The following TXNRD3 variants were observed in gnomAD, a reference collection of about 807,000 sequenced individuals.
The protein encoded by TXNRD3 is thioredoxin reductase 3.
A neutral mutation model predicts 78.2 loss-of-function variants in TXNRD3; 68 were observed. The ratio of observed to expected loss-of-function variants is 0.87; its 90% CI spans 0.72 to 1.06. The LOEUF is 1.06. Ranked by LOEUF, TXNRD3 falls within the 50% of genes least tolerant of loss-of-function variation. TXNRD3 has a pLI of 0.00. For missense variants in TXNRD3, 751 were observed against 809.5 expected, an observed-to-expected ratio of 0.93 and a Z score of 0.88; for synonymous variants, 296 against 300.1, an observed-to-expected ratio of 0.99 and a Z score of 0.14.
intron 11 of TXNRD3, among the ~76,000 whole-genome samples, chr3:126,622,170 T>C (rs1341297697): frequency 6.6e-6 from 1 of 152,200 alleles, no homozygotes; most frequent in Non-Finnish European, 1.5e-5. Context: ...CTTTGGAATT[T>C]ATCTCTTTCC....
rs748955392 is a variant in TXNRD3 at position 126,631,868 on chromosome 3, T to G, written c.867A>C (p.Lys289Asn). Reference sequence around the variant, plus strand: ...CAGTATAATAAGTCTCCTGTCCTTTTTTATTGGTTGCCTTGAAAAAAGAGA... The same window carrying G: ...CAGTATAATAAGTCTCCTGTCCTTTGTTATTGGTTGCCTTGAAAAAAGAGA... Residue 289 changes from lysine (K) to asparagine (N), a missense_variant, in exon 8 of 16, where the codon AAA (lysine) becomes AAC (asparagine). Lys to Asn is a moderately conservative substitution (Grantham distance 94, BLOSUM62 0). Coordinates refer to ENST00000524230, the MANE Select transcript of TXNRD3 (RefSeq NM_052883.3). The G allele has an allele frequency of 2.6e-6, 4 of 1,535,948 alleles. No individual in the cohort carries two copies. The South Asian group carries it at 4.8e-5, about 18-fold the overall frequency.
chr3:126,624,305 T>C (rs948558267), intron 10 of TXNRD3, among the ~76,000 whole-genome samples: 6 of 152,210 alleles, frequency 3.9e-5, no homozygotes, highest in Admixed American at 3.3e-4. Flanking sequence ...GGACTCACTC[T>C]ACCTGATCTA....
At chr3:126,626,228 G>A (rs527946211) in intron 10 of TXNRD3, among the ~76,000 whole-genome samples, 4 of 152,272 alleles carry the variant, frequency 2.6e-5, no homozygotes, top group Admixed American at 6.5e-5. Context: ...ATACTTCCAT[G>A]ACCTTTGGGT....
chr3:126,646,629 G>T (rs1933239608), intron 2 of TXNRD3, among the ~76,000 whole-genome samples: 1 of 152,050 alleles, frequency 6.6e-6, no homozygotes, highest in Non-Finnish European at 1.5e-5. Context: ...AATAAAACTG[G>T]TCCATCACTA....
chr3:126,636,626 C>T (rs563315622), intron 6 of TXNRD3, among the ~76,000 whole-genome samples: 3 of 152,328 alleles, frequency 2.0e-5, no homozygotes, highest in African/African-American at 7.2e-5. Context: ...CACCCCACGG[C>T]GAGCCCTACC....
intron 14 of TXNRD3, chr3:126,609,106 G>A: frequency 2.4e-6 from 1 of 423,490 alleles, no homozygotes; most frequent in Non-Finnish European, 4.8e-6. Flanking sequence ...GCTGTGTGCT[G>A]AGAGGTATGG....
chr3:126,644,444 GT>G, intron 3 of TXNRD3, 43 bp from the exon 4 acceptor site: 1 of 1,371,524 alleles, frequency 7.3e-7, no homozygotes, highest in Non-Finnish European at 1.0e-6. Flanking sequence ...AGAATTTAAA[GT>G]TTTACAGCTA....
At chr3:126,632,310 C>T (rs1470915098) in intron 7 of TXNRD3, among the ~76,000 whole-genome samples, 2 of 152,284 alleles carry the variant, frequency 1.3e-5, no homozygotes, top group East Asian at 3.9e-4. Flanking sequence ...GCCCTTATGT[C>T]ATCCTAACAA....
At chr3:126,641,777 C>T (rs991468165) in intron 6 of TXNRD3, among the ~76,000 whole-genome samples, 1 of 152,000 alleles carries the variant, frequency 6.6e-6, no homozygotes, top group Non-Finnish European at 1.5e-5. Context: ...CTGAAAATAG[C>T]GATTACTTAA....
At chr3:126,625,715 G>A (rs9877303) in intron 10 of TXNRD3, among the ~76,000 whole-genome samples, 1 of 151,884 alleles carries the variant, frequency 6.6e-6, no homozygotes, top group Non-Finnish European at 1.5e-5. Context: ...TTCAAGAACC[G>A]TGAGGAATTG....
intron 6 of TXNRD3, among the ~76,000 whole-genome samples, chr3:126,638,267 C>T (rs1932956624): frequency 6.6e-6 from 1 of 152,104 alleles, no homozygotes. Context: ...TTATCAATAT[C>T]AAGAATGCAA....
In TXNRD3 at chr3:126,646,105, T is replaced by C. The variant is rs1250154156; in HGVS notation, c.414+6A>G. 1 of 1,515,668 alleles carries C rather than the reference T, an allele frequency of 6.6e-7. No homozygotes were observed. Among genetic ancestry groups the C allele is most frequent in the Non-Finnish European group, 8.8e-7 (1 of 1,137,510 alleles). The allele number at this position is 1,515,668 out of a possible 1,614,324, so 93.9% of individuals were successfully genotyped here. ...AGCATTGAAGAACATATAATAGTATTATTACCTGGAAAGTTTGGTCACATC... is the reference window on the plus strand; with the variant it reads ...AGCATTGAAGAACATATAATAGTATCATTACCTGGAAAGTTTGGTCACATC... On this transcript the variant is annotated splice_donor_region_variant and intron_variant, in intron 3 of 15. Coordinates refer to ENST00000524230, the MANE Select transcript of TXNRD3 (RefSeq NM_052883.3).
At chr3:126,628,589 A>AT (rs1435388252) in intron 10 of TXNRD3, among the ~76,000 whole-genome samples, 1 of 152,128 alleles carries the variant, frequency 6.6e-6, no homozygotes, top group African/African-American at 2.4e-5. Flanking sequence ...TATAAATTAC[A>AT]TAAGTATCTA....
chr3:126,647,842 C>CA (rs2107628762), intron 1 of TXNRD3, among the ~76,000 whole-genome samples: 1 of 152,002 alleles, frequency 6.6e-6, no homozygotes, highest in Non-Finnish European at 1.5e-5. Context: ...TGTCCCCCTC[C>CA]AAAAAAGTAC....
Position 126,607,631 on chromosome 3 carries a change from G to C in TXNRD3, c.*274C>G, listed in dbSNP as rs576478054. 1 of 309,398 alleles carries C rather than the reference G, an allele frequency of 3.2e-6. No homozygotes were observed. Among genetic ancestry groups the C allele is most frequent in the Non-Finnish European group, 5.9e-6 (1 of 169,946 alleles). The allele number at this position is 309,398 out of a possible 1,614,324, so 19.2% of individuals were successfully genotyped here. A position where few individuals can be genotyped will look rare whatever the true frequency, so the allele number is the denominator to read the frequency against. ...CGAGGGAAGCTCAGTCCTGGCTTGC[G>C]AGAGTCAGCCTTGGCTCACCTCATA... is the stretch of plus-strand genomic sequence containing the variant. On this transcript the variant is annotated 3_prime_UTR_variant, in exon 16 of 16. Transcript: ENST00000524230.
intron 10 of TXNRD3, chr3:126,626,097 A>C (rs1195157179): frequency 6.6e-6 from 1 of 152,188 alleles, no homozygotes; most frequent in Non-Finnish European, 1.5e-5. Context: ...CTTAAATCTA[A>C]TTAAAATGAA....
chr3:126,653,342 T>C (rs1042867610), intron 1 of TXNRD3, among the ~76,000 whole-genome samples: 2 of 152,046 alleles, frequency 1.3e-5, no homozygotes, highest in Admixed American at 6.6e-5. Flanking sequence ...CCTAAATATA[T>C]AAAGAATAAG....
At chr3:126,654,071 G>A (rs193061807) in intron 1 of TXNRD3, among the ~76,000 whole-genome samples, 12 of 151,434 alleles carry the variant, frequency 7.9e-5, no homozygotes, top group Admixed American at 3.3e-4. Flanking sequence ...CCCTGAGGGA[G>A]GGAGGAGACA....
chr3:126,639,951 G>A (rs1021775696), intron 6 of TXNRD3, among the ~76,000 whole-genome samples: 1 of 152,060 alleles, frequency 6.6e-6, no homozygotes, highest in Admixed American at 6.5e-5. Context: ...GCCAAGTCAG[G>A]AGGCCTCATT....
Sources: allele counts gnomAD v4.1 joint callset (sites outside exome capture counted in the v4.1 genomes callset), GRCh38; gene constraint gnomAD v4.1.1; transcripts MANE v1.5; gene names NCBI Gene and HGNC (gene_info 2026-07-23, HGNC 2026-07-21).